Variants in SLCO1A2 observed in about 807,000 individuals in gnomAD.
SLCO1A2 encodes the protein solute carrier organic anion transporter family member 1A2.
Under a neutral mutation model 69.0 loss-of-function variants are expected in SLCO1A2, and 67 were observed. The observed-to-expected ratio is 0.97, with a 90% confidence interval of 0.80 to 1.19. The LOEUF is 1.19. Ranked by LOEUF, SLCO1A2 falls within the 50% of genes most tolerant of loss-of-function variation. SLCO1A2 has a pLI of 0.00. For synonymous variants in SLCO1A2, 260 were observed against 265.9 expected (o/e 0.98, Z 0.22); for missense variants, 787 against 793.7 (o/e 0.99, Z 0.10).
rs115798307 is a variant in SLCO1A2, at chr12:21,370,727, C to A, written c.-63+3672G>T. 7.0e-4 allele frequency among the ~76,000 whole-genome samples: 107 copies of A among 152,236 alleles called. 1 individual carries two copies. The highest frequency in any genetic ancestry group is 2.6e-3 in the African/African-American group (106 of 41,548). ...GTAGGTAATAAGCAAGTATTTTTGT[C>A]TAAATGAACACTAGACCATGAGTCA... On this transcript the variant is annotated intron_variant, in intron 2 of 15. Coordinates refer to the SLCO1A2 transcript ENST00000307378.
At chr12:21,418,770 T>C (rs1942030328), upstream of SLCO1A2, among the ~76,000 whole-genome samples, 1 of 152,262 alleles carries the variant, frequency 6.6e-6, no homozygotes, top group East Asian at 1.9e-4. Flanking sequence ...CAGTCATGTA[T>C]ACAAACTTAA....
At chr12:21,409,450 C>A (rs1465434589) in intron 1 of SLCO1A2, among the ~76,000 whole-genome samples, 1 of 152,088 alleles carries the variant, frequency 6.6e-6, no homozygotes, top group Non-Finnish European at 1.5e-5. Context: ...TGGCTCCTTT[C>A]ACAAATACAA....
At chr12:21,344,519 C>A (rs1471624915) in intron 2 of SLCO1A2, among the ~76,000 whole-genome samples, 1 of 151,860 alleles carries the variant, frequency 6.6e-6, no homozygotes, top group Admixed American at 6.6e-5. Context: ...TTAATAGGGG[C>A]CTTTTGTTAG....
chr12:21,346,883 C>T (rs1397826377), intron 2 of SLCO1A2, among the ~76,000 whole-genome samples: 1 of 151,998 alleles, frequency 6.6e-6, no homozygotes, highest in Non-Finnish European at 1.5e-5. Flanking sequence ...CAATGAAAAT[C>T]CACCTACATA....
intron 2 of SLCO1A2, among the ~76,000 whole-genome samples, chr12:21,371,748 A>G (rs1345362394): frequency 6.6e-6 from 1 of 152,186 alleles, no homozygotes; most frequent in East Asian, 1.9e-4. Context: ...GACGCCTGTA[A>G]TCCCAGCACT....
At chr12:21,397,783 T>C (rs1370705858), upstream of SLCO1A2, among the ~76,000 whole-genome samples, 5 of 129,390 alleles carry the variant, frequency 3.9e-5, no homozygotes. Context: ...ACTGGGTACA[T>C]AACGAAATGA....
chr12:21,313,373 A>C (rs1950457082), intron 4 of SLCO1A2, among the ~76,000 whole-genome samples: 1 of 152,254 alleles, frequency 6.6e-6, no homozygotes, highest in Admixed American at 6.5e-5. Flanking sequence ...GCAGTAAAGC[A>C]GGGTATGCCA....
chr12:21,282,209 A>T (rs1944926397), intron 12 of SLCO1A2, among the ~76,000 whole-genome samples: 1 of 152,076 alleles, frequency 6.6e-6, no homozygotes, highest in African/African-American at 2.4e-5. Flanking sequence ...ACCAAATTCA[A>T]CAACACATTA....
chr12:21,398,304 C>T (rs1419306588), upstream of SLCO1A2, among the ~76,000 whole-genome samples: 16 of 150,670 alleles, frequency 1.1e-4, no homozygotes, highest in African/African-American at 3.9e-4. Flanking sequence ...GACACATACA[C>T]TCTCCCAAGA....
rs1942362491 is a variant in SLCO1A2, at chr12:21,269,086, G to A, written c.*462C>T. ...TCCTAAATAGAATAAGAAGATGTAG[G>A]CTTCTCTCACATGGAAGCGATAAAC... On this transcript the variant is annotated 3_prime_UTR_variant, in exon 15 of 15. Transcript: ENST00000683939. The A allele has an allele frequency of 6.5e-6, 1 of 153,046 alleles. No homozygotes were observed. 9.5% of individuals were successfully genotyped at this position (153,046 alleles called of 1,614,324 possible).
rs150521471 is a variant in SLCO1A2, at chr12:21,346,207, T to C, written c.-62-11498A>G. On this transcript the variant is annotated intron_variant, in intron 2 of 15. Transcript: ENST00000307378. ...AATAACGTATGTTTAAGAGAAGCCA[T>C]ATACAAAATCACTCAATATGATTAT... is the stretch of plus-strand genomic sequence containing the variant. 1.1e-3 allele frequency among the ~76,000 whole-genome samples: 173 copies of C among 152,244 alleles called. 2 individuals carry two copies. The highest frequency in any genetic ancestry group is 7.2e-4 in the Admixed American group (11 of 15,280).
At chr12:21,274,928 AC>A (rs1266399256) in intron 13 of SLCO1A2, 2 of 1,052,612 alleles carry the variant, frequency 1.9e-6, no homozygotes, top group Non-Finnish European at 2.3e-6. Flanking sequence ...AAATCTTCAA[AC>A]AAAGAATAGT....
chr12:21,395,507 G>C (rs1388364466), upstream of SLCO1A2: 1 of 153,732 alleles, frequency 6.5e-6, no homozygotes, highest in African/African-American at 2.4e-5. Context: ...AGCTCGAACT[G>C]GGTGGAGCCC....
In SLCO1A2 at chr12:21,296,202, C is replaced by T. The variant is rs182998057; in HGVS notation, c.1076-410G>A. Among the ~76,000 whole-genome samples the T allele has an allele frequency of 1.4e-4, 21 of 152,248 alleles. 1 individual carries two copies. The East Asian group carries it at 2.9e-3, about 21-fold the overall frequency. ...ATACAATTTTTCAGTTACCTATCCT[C>T]ACTTTGGTTGTGAAGAATTAGACTC... On this transcript the variant is annotated intron_variant, in intron 9 of 14. Transcript: ENST00000683939.
chr12:21,295,927 A>T (rs1231236648), intron 9 of SLCO1A2, 135 bp from the exon 10 acceptor site: 1 of 587,572 alleles, frequency 1.7e-6, no homozygotes, highest in Admixed American at 3.5e-5. Flanking sequence ...ATTTAATTTT[A>T]TCCCCACTTA....
At chr12:21,277,131 A>ATT (rs1438695872) in intron 12 of SLCO1A2, among the ~76,000 whole-genome samples, 2 of 152,056 alleles carry the variant, frequency 1.3e-5, no homozygotes, top group East Asian at 3.9e-4. Context: ...TCCAAAAGAG[A>ATT]TTCCTTCCTT....
chr12:21,282,096 CA>C, intron 12 of SLCO1A2, among the ~76,000 whole-genome samples: 1 of 143,486 alleles, frequency 7.0e-6, no homozygotes, highest in South Asian at 2.2e-4. Flanking sequence ...ATCCTGATAC[CA>C]AAACCAGAAA....
At chr12:21,400,327 A>C (rs937361109), upstream of SLCO1A2, among the ~76,000 whole-genome samples, 24 of 152,136 alleles carry the variant, frequency 1.6e-4, no homozygotes, top group Admixed American at 3.9e-4. Flanking sequence ...CCACAATGAG[A>C]TACCATCTCA....
At chr12:21,329,757 A>G (rs1183374517) in intron 2 of SLCO1A2, among the ~76,000 whole-genome samples, 1 of 61,232 alleles carries the variant, frequency 1.6e-5, no homozygotes, top group Non-Finnish European at 3.2e-5. Context: ...AACTCTTAGA[A>G]AAAAAAATTC....
Sources: allele counts gnomAD v4.1 joint callset (sites outside exome capture counted in the v4.1 genomes callset), GRCh38; gene constraint gnomAD v4.1.1; transcripts MANE v1.5; gene names NCBI Gene and HGNC (gene_info 2026-07-23, HGNC 2026-07-21).